PPP1R9A: variants seen among roughly 807,000 people sequenced by gnomAD.
PPP1R9A encodes protein phosphatase 1 regulatory subunit 9A, also known as neurabin-1.
PPP1R9A carries 59 observed loss-of-function variants against 141.9 expected under a neutral mutation model. The ratio of observed to expected loss-of-function variants is 0.42; its 90% confidence interval spans 0.34 to 0.52. The LOEUF (loss-of-function observed/expected upper bound fraction) is 0.52, where lower values mean the gene tolerates loss of function less well. PPP1R9A is among the 20% of genes least tolerant of loss of function. The pLI is 0.10. For missense variants in PPP1R9A, 1,444 were observed against 1,611.9 expected (o/e 0.90, Z 1.78); for synonymous variants, 500 against 569.7 (o/e 0.88, Z 1.74).
intron 10 of PPP1R9A, 83 bp downstream of exon 10, chr7:95,250,338 A>T: frequency 1.7e-6 from 2 of 1,197,458 alleles, no homozygotes; most frequent in Non-Finnish European, 2.3e-6. Flanking sequence ...ATCTAGTGGA[A>T]CAGAAAAGAT....
chr7:94,943,186 A>G (rs1285604514), intron 2 of PPP1R9A, among the ~76,000 whole-genome samples: 1 of 152,202 alleles, frequency 6.6e-6, no homozygotes, highest in African/African-American at 2.4e-5. Flanking sequence ...TTTCATAAGT[A>G]TTTTTATTTA....
intron 2 of PPP1R9A, among the ~76,000 whole-genome samples, chr7:94,957,042 T>TA (rs1797147145): frequency 6.6e-6 from 1 of 152,202 alleles, no homozygotes; most frequent in Non-Finnish European, 1.5e-5. Flanking sequence ...AAATGGGACT[T>TA]ATGAAATGGC....
chr7:95,129,660 A>G (rs541216757), intron 4 of PPP1R9A, among the ~76,000 whole-genome samples: 1 of 152,342 alleles, frequency 6.6e-6, no homozygotes, highest in South Asian at 2.1e-4. Flanking sequence ...GGAACTTCCT[A>G]GAGACTTGTT....
chr7:95,258,605 C>T (rs1462944765), intron 12 of PPP1R9A, among the ~76,000 whole-genome samples: 6 of 151,908 alleles, frequency 3.9e-5, no homozygotes, highest in African/African-American at 7.3e-5. Flanking sequence ...ATTTGTAGCA[C>T]GTATAACTAA....
chr7:95,113,091 A>T (rs756586556), intron 3 of PPP1R9A, among the ~76,000 whole-genome samples: 1 of 152,318 alleles, frequency 6.6e-6, no homozygotes, highest in Non-Finnish European at 1.5e-5. Flanking sequence ...TTAAAAAAAG[A>T]CGTTCTTGAG....
At chr7:95,183,829 C>T (rs1468513517) in intron 5 of PPP1R9A, among the ~76,000 whole-genome samples, 2 of 151,444 alleles carry the variant, frequency 1.3e-5, no homozygotes, top group African/African-American at 2.4e-5. Flanking sequence ...TTAAATATTT[C>T]AGATCCAGCT....
At chr7:94,948,069 C>G (rs988234056) in intron 2 of PPP1R9A, among the ~76,000 whole-genome samples, 1 of 152,072 alleles carries the variant, frequency 6.6e-6, no homozygotes, top group African/African-American at 2.4e-5. Flanking sequence ...GTCGTGTTCT[C>G]CTTTTCCCAT....
At chr7:95,287,358 G>A (rs1432287723) in intron 18 of PPP1R9A, among the ~76,000 whole-genome samples, 3 of 152,208 alleles carry the variant, frequency 2.0e-5, no homozygotes, top group East Asian at 1.9e-4. Flanking sequence ...AGAGTTCCTC[G>A]ATTTCTCTTC....
chr7:95,282,158 C>CTTGATTT (rs765681377), intron 16 of PPP1R9A, among the ~76,000 whole-genome samples: 1 of 151,856 alleles, frequency 6.6e-6, no homozygotes, highest in Admixed American at 6.6e-5. Flanking sequence ...TAATAAACCC[C>CTTGATTT]TATCTCTACA....
At chr7:95,115,316 A>G (rs1821285395) in intron 3 of PPP1R9A, among the ~76,000 whole-genome samples, 1 of 152,164 alleles carries the variant, frequency 6.6e-6, no homozygotes, top group African/African-American at 2.4e-5. Flanking sequence ...ACAAAATTTG[A>G]ATTACCAGAA....
At chr7:95,134,648 T>C (rs1357517960) in intron 4 of PPP1R9A, among the ~76,000 whole-genome samples, 1 of 152,134 alleles carries the variant, frequency 6.6e-6, no homozygotes, top group East Asian at 1.9e-4. Flanking sequence ...TTGGTCAAGC[T>C]GGTCTCAAAC....
chr7:95,125,191 G>A (rs542212213), intron 4 of PPP1R9A, among the ~76,000 whole-genome samples: 19 of 151,968 alleles, frequency 1.3e-4, no homozygotes, highest in Non-Finnish European at 2.6e-4. Context: ...GTGTTGCCCA[G>A]GCTGACCTCA....
At position 95,244,579 on chromosome 7, in the gene PPP1R9A, G is replaced by A. The variant is rs551137773; in HGVS notation, c.2113-2894G>A. 6.6e-5 allele frequency among the ~76,000 whole-genome samples: 10 copies of A among 152,258 alleles called. No homozygotes were observed. In the East Asian group the frequency reaches 7.7e-4, roughly 12 times the overall value. On this transcript the variant is annotated intron_variant, in intron 8 of 19. Transcript: ENST00000433360. ...AAAATGCCAACAAGCTGCATGCCAC[G>A]TATTTGGTTACCCTACGAGGAGTTA... is the stretch of plus-strand genomic sequence containing the variant.
intron 2 of PPP1R9A, among the ~76,000 whole-genome samples, chr7:95,067,952 C>G (rs963381249): frequency 6.6e-6 from 1 of 151,980 alleles, no homozygotes; most frequent in Non-Finnish European, 1.5e-5. Flanking sequence ...AAATTACAGT[C>G]AAACTATGAA....
chr7:95,172,701 A>C (rs144871209), intron 5 of PPP1R9A, among the ~76,000 whole-genome samples: 20 of 151,908 alleles, frequency 1.3e-4, no homozygotes, highest in Non-Finnish European at 2.5e-4. Flanking sequence ...TAAGATTTCA[A>C]CTTTCCCTAA....
chr7:95,009,320 A>G (rs1259776129), intron 2 of PPP1R9A, among the ~76,000 whole-genome samples: 1 of 152,202 alleles, frequency 6.6e-6, no homozygotes, highest in Non-Finnish European at 1.5e-5. Flanking sequence ...ATATATTAAA[A>G]AAAGACTCTT....
intron 12 of PPP1R9A, among the ~76,000 whole-genome samples, chr7:95,260,405 A>G (rs1800245479): frequency 6.6e-6 from 1 of 152,174 alleles, no homozygotes; most frequent in Non-Finnish European, 1.5e-5. Flanking sequence ...TAGGCCAGGC[A>G]CGGTGGCTCA....
At chr7:94,934,836 G>A (rs1794586617) in intron 2 of PPP1R9A, among the ~76,000 whole-genome samples, 2 of 149,310 alleles carry the variant, frequency 1.3e-5, no homozygotes, top group Admixed American at 1.3e-4. Flanking sequence ...ACATGTATAT[G>A]TACGTATACA....
At chr7:95,038,450 C>G (rs1378162388) in intron 2 of PPP1R9A, among the ~76,000 whole-genome samples, 1 of 152,162 alleles carries the variant, frequency 6.6e-6, no homozygotes, top group African/African-American at 2.4e-5. Flanking sequence ...CCACCAGTTT[C>G]TCACAGATGA....
Sources: gnomAD v4.1 joint callset for allele counts (sites outside exome capture counted in the v4.1 genomes callset) on GRCh38, gnomAD v4.1.1 for gene constraint, MANE v1.5 for transcripts, NCBI Gene and HGNC (gene_info 2026-07-23, HGNC 2026-07-21) for gene names.